Variants in GRID2 observed in about 807,000 individuals in gnomAD.
GRID2 encodes glutamate ionotropic receptor delta type subunit 2, also known as glutamate receptor ionotropic, delta-2.
In GRID2, 33 loss-of-function variants were observed where a neutral mutation model predicts 114.8. The ratio of observed to expected loss-of-function variants is 0.29; its 90% CI spans 0.22 to 0.38. The LOEUF (loss-of-function observed/expected upper bound fraction) is 0.38. Among genes scored for constraint, GRID2 ranks in the 10% least tolerant of loss-of-function variants. The probability of loss-of-function intolerance (pLI) is 1.00; values close to 1 mark genes in which losing one functional copy is unlikely to be tolerated. For synonymous variants in GRID2, 505 were observed against 449.9 expected, an observed-to-expected ratio of 1.12 and a Z score of -1.55; for missense variants, 1,184 against 1,257.7, an observed-to-expected ratio of 0.94 and a Z score of 0.89.
intron 2 of GRID2, among the ~76,000 whole-genome samples, chr4:92,739,426 A>T (rs1199226010): frequency 1.1e-4 from 17 of 150,284 alleles, no homozygotes; most frequent in Admixed American, 9.3e-4. Flanking sequence ...TATGAGTAAC[A>T]TTTTTTTTTT....
intron 8 of GRID2, among the ~76,000 whole-genome samples, chr4:93,370,506 C>T (rs750779361): frequency 5.9e-5 from 9 of 151,438 alleles, no homozygotes; most frequent in Admixed American, 1.3e-4. Context: ...CACACACACA[C>T]GCACACACAG....
chr4:93,497,008 G>A (rs948970471), intron 12 of GRID2, among the ~76,000 whole-genome samples: 1 of 151,532 alleles, frequency 6.6e-6, no homozygotes, highest in Non-Finnish European at 1.5e-5. Context: ...CATTGTATGA[G>A]AGATCAAGGG....
intron 14 of GRID2, among the ~76,000 whole-genome samples, chr4:93,710,298 C>A (rs567832279): frequency 3.0e-4 from 46 of 152,220 alleles, no homozygotes; most frequent in Non-Finnish European, 5.6e-4. Flanking sequence ...GGGGGCACCC[C>A]AAGCCCAGTA....
chr4:92,660,124 G>C (rs189250989), intron 2 of GRID2, among the ~76,000 whole-genome samples: 2 of 151,346 alleles, frequency 1.3e-5, no homozygotes, highest in African/African-American at 4.8e-5. Flanking sequence ...CCTTAATGTA[G>C]AAATCATGCA....
rs1436622336 is a variant in GRID2, at chr4:92,730,892, T to C, written c.244+140606T>C. On this transcript the variant is annotated intron_variant, in intron 2 of 15. Coordinates refer to ENST00000282020, the MANE Select transcript of GRID2 (RefSeq NM_001510.4). ...CTCATCTATCTATCAAAAATTGCAC[T>C]GAGTAAAAAGGTGGGTTTGAATACT... is the stretch of plus-strand genomic sequence containing the variant. Among the ~76,000 whole-genome samples the C allele has an allele frequency of 2.0e-5, 3 of 152,086 alleles. No individual in the cohort carries two copies. The East Asian group carries it at 5.8e-4, about 29-fold the overall frequency.
rs529562751 is a variant in GRID2, at chr4:92,637,221, T to A, written c.244+46935T>A. ...TAAAAATTTACTATGCAGATTTTTT[T>A]AAATTTACATTTGCTACTTTTTAGT... On this transcript the variant is annotated intron_variant, in intron 2 of 15. Transcript: ENST00000282020. Among the ~76,000 whole-genome samples, 347 of 152,168 alleles carry A rather than the reference T, an allele frequency of 2.3e-3. 1 individual carries two copies. The highest frequency in any genetic ancestry group is 6.8e-3 in the Middle Eastern group (2 of 294).
intron 2 of GRID2, among the ~76,000 whole-genome samples, chr4:93,060,619 G>A (rs1399065890): frequency 6.6e-6 from 1 of 152,100 alleles, no homozygotes; most frequent in Non-Finnish European, 1.5e-5. Flanking sequence ...AGGCAGGAAG[G>A]ATTAGATCAT....
At chr4:93,175,463 A>G (rs748502752) in intron 4 of GRID2, among the ~76,000 whole-genome samples, 1 of 151,936 alleles carries the variant, frequency 6.6e-6, no homozygotes, top group Non-Finnish European at 1.5e-5. Flanking sequence ...GGGCCACCGC[A>G]CACAGCATAA....
At chr4:93,189,682 T>C (rs1390361598) in intron 4 of GRID2, among the ~76,000 whole-genome samples, 1 of 151,900 alleles carries the variant, frequency 6.6e-6, no homozygotes, top group Non-Finnish European at 1.5e-5. Flanking sequence ...TCCAAATTGC[T>C]TTACCACCTG....
At chr4:93,173,420 A>G (rs1739040059) in intron 4 of GRID2, among the ~76,000 whole-genome samples, 1 of 152,094 alleles carries the variant, frequency 6.6e-6, no homozygotes. Context: ...GACAGGAAGG[A>G]AGGAAGGAAA....
At chr4:93,508,863 T>C (rs1374006612) in intron 12 of GRID2, among the ~76,000 whole-genome samples, 3 of 152,150 alleles carry the variant, frequency 2.0e-5, no homozygotes, top group African/African-American at 7.2e-5. Flanking sequence ...AAGTTTCATG[T>C]TGAAAGGAAG....
chr4:93,782,796 CT>C (rs1734505810), intron 1 of GRID2, among the ~76,000 whole-genome samples: 1 of 152,082 alleles, frequency 6.6e-6, no homozygotes, highest in African/African-American at 2.4e-5. Flanking sequence ...TTTAAAATAA[CT>C]GTTAAAACCT....
chr4:92,763,078 A>G (rs1738096407), intron 2 of GRID2, among the ~76,000 whole-genome samples: 3 of 152,210 alleles, frequency 2.0e-5, no homozygotes, highest in Admixed American at 2.0e-4. Flanking sequence ...CACACTGCCA[A>G]GACTTTTTTT....
intron 8 of GRID2, among the ~76,000 whole-genome samples, chr4:93,326,445 G>A (rs1757843893): frequency 1.3e-5 from 2 of 152,164 alleles, no homozygotes; most frequent in Non-Finnish European, 1.5e-5. Flanking sequence ...TCTATACCTG[G>A]TATAAATTGA....
intron 1 of GRID2, among the ~76,000 whole-genome samples, chr4:92,455,136 C>G (rs779295816): frequency 4.6e-5 from 7 of 151,952 alleles, no homozygotes; most frequent in Non-Finnish European, 8.8e-5. Context: ...TAATAGAGCC[C>G]ATATCTTTGA....
intron 1 of GRID2, among the ~76,000 whole-genome samples, chr4:92,451,490 C>G (rs565910126): frequency 6.6e-6 from 1 of 152,030 alleles, no homozygotes; most frequent in Non-Finnish European, 1.5e-5. Context: ...TGCAGATACA[C>G]GCATACAATA....
At chr4:93,461,721 G>A (rs1240880173) in intron 11 of GRID2, among the ~76,000 whole-genome samples, 2 of 152,090 alleles carry the variant, frequency 1.3e-5, no homozygotes, top group Non-Finnish European at 2.9e-5. Flanking sequence ...CTGTTTGGCT[G>A]GAACATTAAG....
chr4:93,214,022 T>A (rs1320811824), intron 5 of GRID2, among the ~76,000 whole-genome samples: 1 of 152,042 alleles, frequency 6.6e-6, no homozygotes, highest in Admixed American at 6.6e-5. Context: ...GTTATTGCAA[T>A]GTTAATTCTA....
chr4:93,052,396 G>A (rs536686642), intron 2 of GRID2, among the ~76,000 whole-genome samples: 27 of 151,872 alleles, frequency 1.8e-4, no homozygotes, highest in African/African-American at 6.3e-4. Context: ...TTTTGTAGTT[G>A]TAGGAACAGT....
Sources: gnomAD v4.1 joint callset for allele counts (sites outside exome capture counted in the v4.1 genomes callset) on GRCh38, gnomAD v4.1.1 for gene constraint, MANE v1.5 for transcripts, NCBI Gene and HGNC (gene_info 2026-07-23, HGNC 2026-07-21) for gene names.